The following AHI1 variants were observed in gnomAD, a reference collection of about 807,000 sequenced individuals.
The protein encoded by AHI1 is jouberin.
In AHI1, 123 loss-of-function variants were observed where a neutral mutation model predicts 149.3. The ratio of observed to expected loss-of-function variants is 0.82; its 90% CI spans 0.71 to 0.96. The LOEUF is 0.96. Ranked by LOEUF, AHI1 falls within the 40% of genes least tolerant of loss-of-function variation. The pLI is 0.00. For missense variants in AHI1, 1,439 were observed against 1,422.7 expected (o/e 1.01, Z -0.18); for synonymous variants, 475 against 459.8 (o/e 1.03, Z -0.42).
intron 23 of AHI1, among the ~76,000 whole-genome samples, chr6:135,384,532 A>G (rs920000210): frequency 2.6e-5 from 4 of 152,212 alleles, no homozygotes; most frequent in Admixed American, 6.5e-5. Context: ...AAATAGGAAA[A>G]ATAAGACACT....
chr6:135,479,207 A>C (rs1229295671), intron 5 of AHI1, among the ~76,000 whole-genome samples: 2 of 152,224 alleles, frequency 1.3e-5, no homozygotes, highest in African/African-American at 4.8e-5. Flanking sequence ...GGCACTGCCT[A>C]GTAGATCTGT....
rs531053390 is a variant in AHI1 at position 135,363,865 on chromosome 6, C to T, written c.3110-5678G>A. Among the ~76,000 whole-genome samples the T allele has an allele frequency of 4.6e-3, 679 of 148,344 alleles. 10 individuals carry two copies. Among genetic ancestry groups the T allele is most frequent in the Admixed American group, 0.022 (333 of 15,010 alleles). ...CCGGGCAGAGGCGCCCCTCACCCCC[C>T]GGACGGGGCGGCTGGCCGGACGGGG... On this transcript the variant is annotated intron_variant, in intron 23 of 28. Coordinates refer to ENST00000265602, the MANE Select transcript of AHI1 (RefSeq NM_001134831.2).
chr6:135,287,464 C>G (rs994995048), intron 28 of AHI1, among the ~76,000 whole-genome samples: 1 of 152,136 alleles, frequency 6.6e-6, no homozygotes, highest in Non-Finnish European at 1.5e-5. Flanking sequence ...GGCGGCTCCT[C>G]CTGACGATGG....
At chr6:135,397,688 T>TC (rs1779416709) in intron 22 of AHI1, among the ~76,000 whole-genome samples, 1 of 152,036 alleles carries the variant, frequency 6.6e-6, no homozygotes, top group African/African-American at 2.4e-5. Context: ...TGCACAATAT[T>TC]AAGCAAGCTG....
At chr6:135,329,345 A>C (rs554476532) in intron 24 of AHI1, among the ~76,000 whole-genome samples, 60 of 152,168 alleles carry the variant, frequency 3.9e-4, no homozygotes, top group Non-Finnish European at 7.3e-4. Context: ...ACAGCTGGTG[A>C]CTTCAAGTTG....
At chr6:135,328,390 C>G (rs571632334) in intron 24 of AHI1, among the ~76,000 whole-genome samples, 42 of 152,240 alleles carry the variant, frequency 2.8e-4, no homozygotes, top group Non-Finnish European at 5.3e-4. Context: ...TCTGGTAATT[C>G]TTACAACAGT....
At chr6:135,468,930 C>T (rs868654986) in intron 5 of AHI1, among the ~76,000 whole-genome samples, 1 of 152,078 alleles carries the variant, frequency 6.6e-6, no homozygotes, top group South Asian at 2.1e-4. Flanking sequence ...CAGAGGTACA[C>T]AACAGAACTG....
At position 135,433,109 on chromosome 6, in the gene AHI1, C is replaced by T. The variant is rs372883338; in HGVS notation, c.2184G>A (p.Glu728=). 3.7e-6 allele frequency: 6 copies of T among 1,613,716 alleles called. No homozygotes were observed. The African/African-American group carries it at 4.0e-5, about 11-fold the overall frequency. Residue 728 remains glutamate (E), a synonymous_variant, in exon 16 of 29, where the codon GAG becomes GAA. Transcript: ENST00000265602. ...YDSMIRIWKV[E]MREDSAILVR... The stretch of plus-strand genomic sequence containing the variant: ...CCAATATGGCAGAATCTTCTCTCAT[C>T]TCAACTTTCCATATCCGTATCATGG...
chr6:135,307,433 T>G (rs571872388), intron 26 of AHI1, among the ~76,000 whole-genome samples: 1 of 152,256 alleles, frequency 6.6e-6, no homozygotes, highest in African/African-American at 2.4e-5. Context: ...CTAAATTTAA[T>G]TATTAGACAT....
chr6:135,326,108 C>G (rs1311505553), intron 24 of AHI1, among the ~76,000 whole-genome samples: 1 of 152,196 alleles, frequency 6.6e-6, no homozygotes, highest in Admixed American at 6.5e-5. Context: ...GCATGGCCCA[C>G]TAGTATCTGT....
chr6:135,425,235 A>G (rs1471772151), intron 20 of AHI1, among the ~76,000 whole-genome samples: 2 of 151,980 alleles, frequency 1.3e-5, no homozygotes, highest in Non-Finnish European at 2.9e-5. Flanking sequence ...CTATTTGAAT[A>G]TTTAGATTTC....
intron 26 of AHI1, among the ~76,000 whole-genome samples, chr6:135,314,320 A>C (rs536253500): frequency 6.6e-6 from 1 of 152,322 alleles, no homozygotes; most frequent in South Asian, 2.1e-4. Flanking sequence ...AGTGAGGATA[A>C]GTGAGGTTGC....
In AHI1 at chr6:135,474,141, G is replaced by A. The variant is rs148551396; in HGVS notation, c.136-6507C>T. On this transcript the variant is annotated intron_variant, in intron 5 of 28. Coordinates refer to ENST00000265602, the MANE Select transcript of AHI1 (RefSeq NM_001134831.2). ...AGCTCTGATGCTTGGTTGCTTAGGCGTATTAAATATATTTTCAACTTACAA... is the reference window on the plus strand; with the variant it reads ...AGCTCTGATGCTTGGTTGCTTAGGCATATTAAATATATTTTCAACTTACAA... Among the ~76,000 whole-genome samples, 399 of 152,258 alleles carry A rather than the reference G, an allele frequency of 2.6e-3. 2 individuals are homozygous for A. The highest frequency in any genetic ancestry group is 8.6e-3 in the African/African-American group (359 of 41,562).
At chr6:135,484,623 G>A (rs1794199667) in intron 5 of AHI1, among the ~76,000 whole-genome samples, 1 of 151,960 alleles carries the variant, frequency 6.6e-6, no homozygotes, top group Non-Finnish European at 1.5e-5. Flanking sequence ...AAAATACTCA[G>A]AAGGTCCTTC....
chr6:135,289,519 G>A (rs988944027), intron 28 of AHI1, among the ~76,000 whole-genome samples: 4 of 151,846 alleles, frequency 2.6e-5, no homozygotes, highest in African/African-American at 9.7e-5. Flanking sequence ...AAAAAAAAGA[G>A]TATTACTCTT....
chr6:135,408,142 A>T (rs1386833988), intron 21 of AHI1, among the ~76,000 whole-genome samples: 1 of 152,198 alleles, frequency 6.6e-6, no homozygotes, highest in East Asian at 1.9e-4. Context: ...ATGAAATTAG[A>T]AAAAAGCTAC....
intron 24 of AHI1, among the ~76,000 whole-genome samples, chr6:135,327,489 G>T (rs1307195717): frequency 6.6e-6 from 1 of 152,164 alleles, no homozygotes; most frequent in African/African-American, 2.4e-5. Context: ...TCATTTTATT[G>T]TATTTCACAG....
rs568224324 is a variant in AHI1, at chr6:135,386,229, T to C, written c.3109+8547A>G. Among the ~76,000 whole-genome samples the C allele has an allele frequency of 7.2e-5, 11 of 151,968 alleles. No individual in the cohort carries two copies. The South Asian group carries it at 1.7e-3, about 23-fold the overall frequency. ...TATCAGTGCTTCTGTCAATAAACAA[T>C]TGTAACAAAACATTTTTGGTAAAAA... On this transcript the variant is annotated intron_variant, in intron 23 of 28. Transcript: ENST00000265602.
At chr6:135,406,440 G>C (rs1780807899) in intron 21 of AHI1, among the ~76,000 whole-genome samples, 1 of 152,124 alleles carries the variant, frequency 6.6e-6, no homozygotes, top group Non-Finnish European at 1.5e-5. Context: ...TTGGTTATGT[G>C]GCTTGATCTC....
Sources: allele counts gnomAD v4.1 joint callset (sites outside exome capture counted in the v4.1 genomes callset), GRCh38; gene constraint gnomAD v4.1.1; transcripts MANE v1.5; gene names NCBI Gene and HGNC (gene_info 2026-07-23, HGNC 2026-07-21).